DOCK9: variants seen among roughly 807,000 people sequenced by gnomAD.
The protein encoded by DOCK9 is dedicator of cytokinesis 9.
A neutral mutation model predicts 263.3 loss-of-function variants in DOCK9; 89 were observed. The observed-to-expected ratio is 0.34, with a 90% CI of 0.28 to 0.40. DOCK9 has a LOEUF of 0.40. Ranked by LOEUF, DOCK9 falls within the 10% of genes least tolerant of loss-of-function variation. The pLI is 1.00. For missense variants in DOCK9, 2,140 were observed against 2,603.4 expected, an observed-to-expected ratio of 0.82 and a Z score of 3.87; for synonymous variants, 976 against 973.1, an observed-to-expected ratio of 1.00 and a Z score of -0.06.
intron 3 of DOCK9, among the ~76,000 whole-genome samples, chr13:98,928,004 CA>C (rs74265290): frequency 0.28 from 17,203 of 62,102 alleles, 1,288 homozygotes; most frequent in African/African-American, 0.39. Context: ...ATCGCACATA[CA>C]AAAAAAAAAA....
chr13:98,938,095 C>T (rs1260971649), intron 2 of DOCK9, among the ~76,000 whole-genome samples: 2 of 152,240 alleles, frequency 1.3e-5, no homozygotes, highest in African/African-American at 4.8e-5. Flanking sequence ...TAACGACATT[C>T]CTGACCCCAA....
At chr13:98,823,683 A>C (rs2092397804) in intron 45 of DOCK9, among the ~76,000 whole-genome samples, 1 of 150,940 alleles carries the variant, frequency 6.6e-6, no homozygotes, top group Non-Finnish European at 1.5e-5. Flanking sequence ...TGGAAAAGGA[A>C]ACAGAGTGAA....
intron 27 of DOCK9, among the ~76,000 whole-genome samples, chr13:98,872,321 A>G (rs1252575247): frequency 1.3e-5 from 2 of 152,172 alleles, no homozygotes; most frequent in African/African-American, 2.4e-5. Context: ...ATTTCCCTGC[A>G]TTCTGGTTAC....
At chr13:99,087,611 G>T (rs1207219963), upstream of DOCK9, among the ~76,000 whole-genome samples, 1 of 152,152 alleles carries the variant, frequency 6.6e-6, no homozygotes, top group Non-Finnish European at 1.5e-5. Flanking sequence ...GCCCGCTCCC[G>T]CCCCGGCTCC....
intron 37 of DOCK9, among the ~76,000 whole-genome samples, chr13:98,848,060 A>T (rs1424812914): frequency 2.0e-5 from 3 of 152,196 alleles, no homozygotes; most frequent in Non-Finnish European, 4.4e-5. Flanking sequence ...CCAACTAGTC[A>T]AGAGTAGGAA....
At chr13:98,982,825 G>A (rs1427580940), upstream of DOCK9, among the ~76,000 whole-genome samples, 1 of 152,142 alleles carries the variant, frequency 6.6e-6, no homozygotes, top group Non-Finnish European at 1.5e-5. Flanking sequence ...AAATAAAAAT[G>A]TTCCTTTCTC....
At chr13:98,881,475 C>T (rs2142710822) in intron 25 of DOCK9, 83 bp downstream of exon 25, 1 of 1,121,820 alleles carries the variant, frequency 8.9e-7, no homozygotes, top group South Asian at 1.4e-5. Context: ...CCTCAAATAA[C>T]CAGGCTTGTG....
At chr13:98,870,874 C>G (rs1348301014) in intron 27 of DOCK9, among the ~76,000 whole-genome samples, 2 of 147,358 alleles carry the variant, frequency 1.4e-5, no homozygotes, top group East Asian at 3.9e-4. Context: ...ACAAATGACC[C>G]ACTTTCTTCA....
In DOCK9 at chr13:98,794,543, G is replaced by T; in HGVS notation, c.*83C>A. 2 of 1,455,800 alleles carry T rather than the reference G, an allele frequency of 1.4e-6. No individual in the cohort carries two copies. Among genetic ancestry groups the T allele is most frequent in the African/African-American group, 1.4e-5 (1 of 70,636 alleles). The allele number at this position is 1,455,800 out of a possible 1,614,324, so 90.2% of individuals were successfully genotyped here. A position where few individuals can be genotyped will look rare whatever the true frequency, so the allele number is the denominator to read the frequency against. On this transcript the variant is annotated 3_prime_UTR_variant, in exon 53 of 53. Coordinates refer to ENST00000682017, the MANE Select transcript of DOCK9 (RefSeq NM_001366683.2). ...TTCCCCTTGGTCCTCCCTGTGCTCG[G>T]TCTCCCCAGTGATTGGCTTTGGAAA...
At chr13:98,989,140 T>A (rs1879154571) in intron 1 of DOCK9, among the ~76,000 whole-genome samples, 1 of 152,114 alleles carries the variant, frequency 6.6e-6, no homozygotes, top group Non-Finnish European at 1.5e-5. Context: ...GTCAAATGCC[T>A]ACTCACCTTG....
intron 47 of DOCK9, among the ~76,000 whole-genome samples, 195 bp from the exon 48 acceptor site, chr13:98,808,002 G>A (rs1446812607): frequency 6.6e-6 from 1 of 152,186 alleles, no homozygotes; most frequent in Admixed American, 6.5e-5. Flanking sequence ...ACACAACATT[G>A]CAAACTTATT....
At chr13:99,013,277 T>TTTG (rs563336883) in intron 1 of DOCK9, among the ~76,000 whole-genome samples, 157 of 152,060 alleles carry the variant, frequency 1.0e-3, no homozygotes, top group Admixed American at 2.0e-3. Flanking sequence ...GGCTGATTAT[T>TTTG]TTGTTGTTGT....
At chr13:99,086,072 C>A in intron 1 of DOCK9, 1 of 1,235,744 alleles carries the variant, frequency 8.1e-7, no homozygotes, top group Non-Finnish European at 1.0e-6. Context: ...CTGTCCAACT[C>A]CCTCCCGCCG....
intron 4 of DOCK9, among the ~76,000 whole-genome samples, chr13:98,924,183 G>A (rs1256908414): frequency 6.6e-6 from 1 of 152,172 alleles, no homozygotes; most frequent in Non-Finnish European, 1.5e-5. Context: ...GGTAAATATA[G>A]AACTAAAGGG....
At chr13:98,999,316 A>ACACTCTCTCTCTCTCT in intron 1 of DOCK9, among the ~76,000 whole-genome samples, 21 of 138,368 alleles carry the variant, frequency 1.5e-4, no homozygotes, top group African/African-American at 5.6e-4. Flanking sequence ...ACACACACAC[A>ACACTCTCTCTCTCTCT]CTCTCTCTCT....
Position 98,888,470 on chromosome 13 carries a change from C to T in DOCK9, c.1867G>A (p.Glu623Lys). Residue 623 changes from glutamate (E) to lysine (K), a missense_variant, in exon 17 of 53, where the codon GAA (glutamate) becomes AAA (lysine). Physicochemically the swap from Glu to Lys is moderately conservative, Grantham distance 56 (BLOSUM62 1). This residue lies in a region of DOCK9 where 1,521 missense variants were observed against 1,741.7 expected (regional missense o/e 0.87). Coordinates refer to ENST00000682017, the MANE Select transcript of DOCK9 (RefSeq NM_001366683.2). ...TGTTTTGGTATGCAGGGCACAAATT[C>T]CTCCACTTCAAACGTGATGGGAGTT... The part of the protein sequence containing the change: ...SKTPITFEVE[E>K]FVPCIPKHTQ... 6.2e-7 allele frequency: 1 copy of T among 1,613,904 alleles called. No homozygotes were observed. Among genetic ancestry groups the T allele is most frequent in the Non-Finnish European group, 8.5e-7 (1 of 1,179,834 alleles).
chr13:98,993,695 T>C (rs1319046228), intron 1 of DOCK9, among the ~76,000 whole-genome samples: 6 of 152,190 alleles, frequency 3.9e-5, no homozygotes, highest in Non-Finnish European at 8.8e-5. Context: ...AAGCTGAGAT[T>C]GCGTCACTGC....
chr13:98,976,222 T>A (rs540300962), intron 1 of DOCK9, among the ~76,000 whole-genome samples: 1 of 152,316 alleles, frequency 6.6e-6, no homozygotes, highest in South Asian at 2.1e-4. Context: ...CCCTGACAAG[T>A]GTTCCCACCA....
chr13:99,017,240 C>T (rs1258732348), intron 1 of DOCK9, among the ~76,000 whole-genome samples: 2 of 152,190 alleles, frequency 1.3e-5, no homozygotes, highest in Admixed American at 1.3e-4. Context: ...CATGCGAAAT[C>T]ACAATGCTGA....
Sources: gnomAD v4.1 joint callset for allele counts (sites outside exome capture counted in the v4.1 genomes callset) on GRCh38, gnomAD v4.1.1 for gene constraint, gnomAD v4.1.1 regional missense constraint, MANE v1.5 for transcripts, NCBI Gene and HGNC (gene_info 2026-07-23, HGNC 2026-07-21) for gene names.